GALNTL6: variants seen among roughly 807,000 people sequenced by gnomAD.
The protein encoded by GALNTL6 is polypeptide N-acetylgalactosaminyltransferase like 6, also known as polypeptide N-acetylgalactosaminyltransferase-like 6.
Under a neutral mutation model 73.7 loss-of-function variants are expected in GALNTL6, and 46 were observed. The ratio of observed to expected loss-of-function variants is 0.62; its 90% CI spans 0.49 to 0.80. The LOEUF (loss-of-function observed/expected upper bound fraction) is 0.80. GALNTL6 is among the 30% of genes least tolerant of loss of function. The pLI, the probability that GALNTL6 is intolerant of heterozygous loss-of-function variation, is 0.00. For missense variants in GALNTL6, 604 were observed against 755.0 expected (o/e 0.80, Z 2.34); for synonymous variants, 259 against 263.7 (o/e 0.98, Z 0.17).
intron 5 of GALNTL6, among the ~76,000 whole-genome samples, chr4:172,644,483 G>A (rs1343725400): frequency 6.6e-6 from 1 of 151,746 alleles, no homozygotes; most frequent in Non-Finnish European, 1.5e-5. Flanking sequence ...CAAATAAACA[G>A]AATCATACTC....
intron 3 of GALNTL6, among the ~76,000 whole-genome samples, chr4:172,247,956 T>C (rs1737719155): frequency 6.6e-6 from 1 of 152,200 alleles, no homozygotes; most frequent in Non-Finnish European, 1.5e-5. Context: ...ATACCACTTT[T>C]AACTACTGAA....
At chr4:172,040,195 T>C (rs946490841) in intron 2 of GALNTL6, among the ~76,000 whole-genome samples, 12 of 136,364 alleles carry the variant, frequency 8.8e-5, no homozygotes, top group Non-Finnish European at 1.8e-4. Flanking sequence ...CATTGCACTT[T>C]CTGGATCACG....
At chr4:172,514,423 C>T (rs1013161128) in intron 5 of GALNTL6, among the ~76,000 whole-genome samples, 3 of 152,160 alleles carry the variant, frequency 2.0e-5, no homozygotes, top group Non-Finnish European at 4.4e-5. Context: ...GGCCAGTCTC[C>T]TGCTGTGCCC....
chr4:172,204,732 G>A (rs1736055204), intron 2 of GALNTL6, among the ~76,000 whole-genome samples: 1 of 152,146 alleles, frequency 6.6e-6, no homozygotes, highest in African/African-American at 2.4e-5. Flanking sequence ...TGATTACAAA[G>A]AGAAGAAAAC....
chr4:172,413,455 A>G (rs529505165), intron 5 of GALNTL6, among the ~76,000 whole-genome samples: 89 of 152,316 alleles, frequency 5.8e-4, no homozygotes, highest in African/African-American at 1.7e-3. Flanking sequence ...AGCATATGCC[A>G]TAATAACAAA....
At chr4:172,819,237 C>A (rs1307545031) in intron 7 of GALNTL6, among the ~76,000 whole-genome samples, 5 of 152,206 alleles carry the variant, frequency 3.3e-5, no homozygotes, top group Non-Finnish European at 7.3e-5. Flanking sequence ...ACTGATAGTA[C>A]CTTCCATTGT....
At chr4:172,079,234 T>C (rs1454461596) in intron 2 of GALNTL6, among the ~76,000 whole-genome samples, 1 of 151,994 alleles carries the variant, frequency 6.6e-6, no homozygotes, top group Non-Finnish European at 1.5e-5. Context: ...TTTTTGTCAT[T>C]AGATCAGCAA....
chr4:172,863,126 G>T (rs1445872742), intron 7 of GALNTL6, among the ~76,000 whole-genome samples: 4 of 152,254 alleles, frequency 2.6e-5, no homozygotes, highest in Non-Finnish European at 5.9e-5. Context: ...GGAAATGCCT[G>T]GATGTTCAGG....
chr4:172,410,191 T>C (rs934303253), intron 5 of GALNTL6, among the ~76,000 whole-genome samples: 3 of 151,992 alleles, frequency 2.0e-5, no homozygotes, highest in African/African-American at 7.2e-5. Flanking sequence ...CTTATACATA[T>C]CATGAAGCTT....
chr4:171,964,129 T>C (rs1739314656), intron 2 of GALNTL6, among the ~76,000 whole-genome samples: 1 of 152,106 alleles, frequency 6.6e-6, no homozygotes, highest in Non-Finnish European at 1.5e-5. Flanking sequence ...CTCTGAGAAC[T>C]GGCACAAATA....
At chr4:172,560,419 G>A (rs1736312152) in intron 5 of GALNTL6, among the ~76,000 whole-genome samples, 1 of 152,008 alleles carries the variant, frequency 6.6e-6, no homozygotes, top group African/African-American at 2.4e-5. Context: ...GATCACTTGA[G>A]CCCAGGAGTT....
intron 5 of GALNTL6, among the ~76,000 whole-genome samples, chr4:172,617,287 A>G (rs1302161985): frequency 6.6e-6 from 1 of 151,802 alleles, no homozygotes; most frequent in East Asian, 1.9e-4. Context: ...CAGGAATGAG[A>G]TAAACTAGCT....
chr4:172,837,196 G>A (rs1742955993), intron 7 of GALNTL6, among the ~76,000 whole-genome samples: 1 of 152,018 alleles, frequency 6.6e-6, no homozygotes, highest in South Asian at 2.1e-4. Flanking sequence ...CCCTAATTCT[G>A]GTTTTGCCAG....
Position 171,826,664 on chromosome 4 carries a change from T to C in GALNTL6, c.138+11946T>C, listed in dbSNP as rs1459940201. On this transcript the variant is annotated intron_variant, in intron 2 of 12. Transcript: ENST00000506823. Reference sequence around the variant, plus strand: ...TTGTTTCAAAGCCGCATATCATTAGTCGTATTACTTGTTAGAAATTAGCTT... The same window carrying C: ...TTGTTTCAAAGCCGCATATCATTAGCCGTATTACTTGTTAGAAATTAGCTT... 2.0e-5 allele frequency among the ~76,000 whole-genome samples: 3 copies of C among 152,126 alleles called. No individual in the cohort carries two copies. The East Asian group carries it at 5.8e-4, about 29-fold the overall frequency.
intron 3 of GALNTL6, among the ~76,000 whole-genome samples, chr4:172,310,104 T>G (rs1001784420): frequency 1.3e-5 from 2 of 152,040 alleles, no homozygotes; most frequent in African/African-American, 2.4e-5. Context: ...AAGAATACAG[T>G]AAGAAATGGC....
rs142221339 is a variant in GALNTL6 at position 172,606,479 on chromosome 4, CAA to C, written c.554-202874_554-202873del. Among the ~76,000 whole-genome samples the C allele has an allele frequency of 6.0e-5, 8 of 132,886 alleles. No individual in the cohort carries two copies. In the East Asian group the frequency reaches 1.1e-3, roughly 18 times the overall value. The allele number at this position is 132,886 out of a possible 152,430, so 87.2% of individuals were successfully genotyped here. On this transcript the variant is annotated intron_variant, in intron 5 of 12. Transcript: ENST00000506823. Reference sequence around the variant, plus strand: ...CAAAACAAAAAAAAAACAAAGAAAACAAAAAAAAATAGCTAATAAGAGTACAG... The same window carrying C: ...CAAAACAAAAAAAAAACAAAGAAAACAAAAAAATAGCTAATAAGAGTACAG...
At chr4:173,008,923 A>G (rs1417677223) in intron 10 of GALNTL6, among the ~76,000 whole-genome samples, 1 of 152,256 alleles carries the variant, frequency 6.6e-6, no homozygotes, top group African/African-American at 2.4e-5. Flanking sequence ...AGTGGGTCAA[A>G]GTACAGACTG....
chr4:172,020,027 C>T (rs952385532), intron 2 of GALNTL6, among the ~76,000 whole-genome samples: 18 of 152,006 alleles, frequency 1.2e-4, no homozygotes, highest in Non-Finnish European at 2.5e-4. Context: ...GGAAACTATG[C>T]AAACACATAG....
At chr4:171,887,841 T>A (rs7675045) in intron 2 of GALNTL6, among the ~76,000 whole-genome samples, 82,008 of 151,904 alleles carry the variant, frequency 0.54, 23,547 homozygotes, top group African/African-American at 0.75. Context: ...CCCACTAGGG[T>A]TTTTCTCATT....
Sources: allele counts gnomAD v4.1 joint callset (sites outside exome capture counted in the v4.1 genomes callset), GRCh38; gene constraint gnomAD v4.1.1; transcripts MANE v1.5; gene names NCBI Gene and HGNC (gene_info 2026-07-23, HGNC 2026-07-21).